CCSER1: variants seen among roughly 807,000 people sequenced by gnomAD.
CCSER1 encodes the protein coiled-coil serine rich protein 1.
A neutral mutation model predicts 82.0 loss-of-function variants in CCSER1; 41 were observed. The ratio of observed to expected loss-of-function variants is 0.50; its 90% CI spans 0.39 to 0.65. The LOEUF (loss-of-function observed/expected upper bound fraction) is 0.65, where lower values mean the gene tolerates loss of function less well. CCSER1 is among the 30% of genes least tolerant of loss of function. The probability of loss-of-function intolerance (pLI) is 0.00; values close to 1 mark genes in which losing one functional copy is unlikely to be tolerated. For missense variants in CCSER1, 1,119 were observed against 1,064.2 expected, an observed-to-expected ratio of 1.05 and a Z score of -0.72; for synonymous variants, 414 against 383.9, an observed-to-expected ratio of 1.08 and a Z score of -0.92.
At chr4:90,874,151 A>C (rs907231540) in intron 8 of CCSER1, among the ~76,000 whole-genome samples, 5 of 152,286 alleles carry the variant, frequency 3.3e-5, no homozygotes, top group African/African-American at 7.2e-5. Context: ...TCTACCTAAC[A>C]CTGCTGTAGA....
chr4:91,106,957 T>G (rs1725676845), intron 10 of CCSER1, among the ~76,000 whole-genome samples: 1 of 152,238 alleles, frequency 6.6e-6, no homozygotes, highest in Admixed American at 6.5e-5. Context: ...ATAGACTGCA[T>G]AGATGACAGT....
intron 5 of CCSER1, among the ~76,000 whole-genome samples, chr4:90,496,793 A>G (rs553139240): frequency 1.1e-4 from 17 of 152,188 alleles, no homozygotes; most frequent in Non-Finnish European, 1.9e-4. Flanking sequence ...CCTGGCCAAC[A>G]TGGTGAAACC....
rs1379545931 is a variant in CCSER1 at position 91,600,633 on chromosome 4, G to T, written c.*1576G>T. On this transcript the variant is annotated 3_prime_UTR_variant, in exon 11 of 11. Transcript: ENST00000509176. Reference sequence around the variant, plus strand: ...AAAATGTATTTGTGCCCTGTGCTTTGGGGAAAAGCCATTAGACACTCCACC... The same window carrying T: ...AAAATGTATTTGTGCCCTGTGCTTTTGGGAAAAGCCATTAGACACTCCACC... 6.6e-6 allele frequency: 1 copy of T among 152,054 alleles called. No homozygotes were observed. Among genetic ancestry groups the T allele is most frequent in the Non-Finnish European group, 1.5e-5 (1 of 67,982 alleles). The allele number at this position is 152,054 out of a possible 1,614,324, so 9.4% of individuals were successfully genotyped here.
chr4:90,969,419 G>A (rs1170057911), intron 9 of CCSER1, among the ~76,000 whole-genome samples: 1 of 151,998 alleles, frequency 6.6e-6, no homozygotes, highest in Non-Finnish European at 1.5e-5. Context: ...AAAGCCACTT[G>A]TTATAAGCAA....
At chr4:90,771,303 TGTTA>T (rs764243387) in intron 7 of CCSER1, among the ~76,000 whole-genome samples, 47 of 152,004 alleles carry the variant, frequency 3.1e-4, no homozygotes, top group Non-Finnish European at 5.4e-4. Flanking sequence ...ATTCTAAGAT[TGTTA>T]GTTTGATTTA....
chr4:91,449,187 GA>G (rs890385438), intron 10 of CCSER1, among the ~76,000 whole-genome samples: 37 of 152,010 alleles, frequency 2.4e-4, no homozygotes, highest in Non-Finnish European at 8.8e-5. Flanking sequence ...ACTCTCCTGA[GA>G]AGCTGCTCTC....
At chr4:90,734,287 G>A (rs1455000047) in intron 7 of CCSER1, among the ~76,000 whole-genome samples, 10 of 151,684 alleles carry the variant, frequency 6.6e-5, no homozygotes, top group Admixed American at 1.3e-4. Context: ...CACCACGCCC[G>A]GCTAATTTTT....
At chr4:90,428,165 A>G (rs1440878386) in intron 4 of CCSER1, among the ~76,000 whole-genome samples, 1 of 151,896 alleles carries the variant, frequency 6.6e-6, no homozygotes, top group Admixed American at 6.6e-5. Flanking sequence ...GATTTGTTTT[A>G]TTATGCAGAA....
intron 9 of CCSER1, among the ~76,000 whole-genome samples, chr4:90,967,549 A>G (rs1734689340): frequency 6.6e-6 from 1 of 152,106 alleles, no homozygotes; most frequent in Admixed American, 6.5e-5. Flanking sequence ...ATATACAAAA[A>G]TAACTTAAAC....
At chr4:90,673,410 T>A (rs1733184574) in intron 6 of CCSER1, among the ~76,000 whole-genome samples, 1 of 152,018 alleles carries the variant, frequency 6.6e-6, no homozygotes, top group African/African-American at 2.4e-5. Flanking sequence ...ATAAACTTTG[T>A]GTACTCACAT....
At chr4:90,583,640 T>G (rs1021568517) in intron 5 of CCSER1, among the ~76,000 whole-genome samples, 14 of 152,166 alleles carry the variant, frequency 9.2e-5, no homozygotes, top group African/African-American at 3.4e-4. Flanking sequence ...CAGGGAAGTA[T>G]CCTTAGTATT....
chr4:90,732,917 A>C (rs1319183279), intron 7 of CCSER1, among the ~76,000 whole-genome samples: 2 of 152,126 alleles, frequency 1.3e-5, no homozygotes, highest in East Asian at 1.9e-4. Flanking sequence ...ACATTTTCTT[A>C]ATCCATTCAT....
At chr4:91,172,140 C>T (rs1003342247) in intron 10 of CCSER1, among the ~76,000 whole-genome samples, 2 of 151,876 alleles carry the variant, frequency 1.3e-5, no homozygotes, top group Non-Finnish European at 2.9e-5. Context: ...AACCTATGAC[C>T]CTTGCAACGT....
intron 1 of CCSER1, among the ~76,000 whole-genome samples, chr4:90,244,634 A>C (rs1415525033): frequency 6.6e-6 from 1 of 152,130 alleles, no homozygotes; most frequent in Middle Eastern, 3.2e-3. Flanking sequence ...GGCAGGAGAG[A>C]GAAGTGAGGA....
intron 6 of CCSER1, among the ~76,000 whole-genome samples, chr4:90,667,693 T>C (rs138655355): frequency 6.6e-6 from 1 of 152,198 alleles, no homozygotes. Context: ...CATGGTTGCA[T>C]AGTATCCCAT....
chr4:91,053,507 C>T (rs6849961), intron 9 of CCSER1, among the ~76,000 whole-genome samples: 6,568 of 152,230 alleles, frequency 0.043, 175 homozygotes, highest in Middle Eastern at 0.065. Context: ...AGATTTGGTT[C>T]ATTTAGCTTT....
At position 90,957,524 on chromosome 4, in the gene CCSER1, C is replaced by T. The variant is rs538638744; in HGVS notation, c.2172+34077C>T. On this transcript the variant is annotated intron_variant, in intron 9 of 10. Coordinates refer to ENST00000509176, the MANE Select transcript of CCSER1 (RefSeq NM_001145065.2). ...AATATTATATAATATAACATAATAT[C>T]ATATATTATATATATTATATAATTA... Among the ~76,000 whole-genome samples the T allele has an allele frequency of 9.9e-3, 955 of 96,244 alleles. 24 individuals are homozygous for T. Among genetic ancestry groups the T allele is most frequent in the African/African-American group, 0.028 (870 of 30,624 alleles). 63.1% of individuals were successfully genotyped at this position (96,244 alleles called of 152,430 possible).
chr4:90,392,198 G>GTAA (rs1449965822), intron 3 of CCSER1, among the ~76,000 whole-genome samples: 1 of 151,826 alleles, frequency 6.6e-6, no homozygotes, highest in East Asian at 1.9e-4. Flanking sequence ...TTCTACTTAA[G>GTAA]TAATATATTT....
intron 10 of CCSER1, among the ~76,000 whole-genome samples, chr4:91,382,663 G>A (rs1177922302): frequency 6.6e-6 from 1 of 152,106 alleles, no homozygotes; most frequent in Non-Finnish European, 1.5e-5. Context: ...CTTGGGTGAG[G>A]CGATCCCTCA....
Sources: gnomAD v4.1 joint callset for allele counts (sites outside exome capture counted in the v4.1 genomes callset) on GRCh38, gnomAD v4.1.1 for gene constraint, MANE v1.5 for transcripts, NCBI Gene and HGNC (gene_info 2026-07-23, HGNC 2026-07-21) for gene names.